The following RBFOX1 variants were observed in gnomAD, a reference collection of about 807,000 sequenced individuals.
The protein encoded by RBFOX1 is RNA binding fox-1 homolog 1.
Under a neutral mutation model 57.7 loss-of-function variants are expected in RBFOX1, and 8 were observed. The ratio of observed to expected loss-of-function variants is 0.14; its 90% CI spans 0.08 to 0.25. The LOEUF is 0.25. RBFOX1 is among the 10% of genes least tolerant of loss of function. The pLI is 1.00. For missense variants in RBFOX1, 611 were observed against 548.5 expected, an observed-to-expected ratio of 1.11 and a Z score of -1.14; for synonymous variants, 326 against 222.4, an observed-to-expected ratio of 1.47 and a Z score of -4.15.
chr16:5,521,317 C>T (rs1406550647), intron 2 of RBFOX1, among the ~76,000 whole-genome samples: 2 of 114,728 alleles, frequency 1.7e-5, no homozygotes, highest in East Asian at 2.9e-4. Flanking sequence ...GCCCCAGGTC[C>T]GTGCAATTCA....
intron 14 of RBFOX1, among the ~76,000 whole-genome samples, chr16:7,705,289 G>C (rs746444395): frequency 6.6e-6 from 1 of 152,048 alleles, no homozygotes; most frequent in Admixed American, 6.6e-5. Flanking sequence ...GGAGGATCAC[G>C]AGGTCAGGAG....
At position 7,122,478 on chromosome 16, in the gene RBFOX1, A is replaced by G. The variant is rs1048943901; in HGVS notation, c.27+70380A>G. On this transcript the variant is annotated intron_variant, in intron 4 of 15. Transcript: ENST00000550418. ...AAAAAACCGTGAAAAGGTATTTAAC[A>G]TCATTAGCTATTCAGCAAGTGCAAA... is the stretch of plus-strand genomic sequence containing the variant. Among the ~76,000 whole-genome samples the G allele has an allele frequency of 7.9e-5, 12 of 152,286 alleles. No homozygotes were observed. The East Asian group carries it at 1.9e-3, about 25-fold the overall frequency.
chr16:6,774,645 G>A (rs916891848), intron 3 of RBFOX1, among the ~76,000 whole-genome samples: 7 of 152,256 alleles, frequency 4.6e-5, no homozygotes, highest in East Asian at 1.9e-4. Context: ...AGCTATATAT[G>A]TCAGGAATAT....
chr16:5,384,493 T>C lies in RBFOX1; in HGVS notation c.220-82723T>C, dbSNP rs369798936. On this transcript the variant is annotated intron_variant, in intron 1 of 2. Transcript: ENST00000585867. ...TTTAAGTTGGGTTTTGAAGGGTGCATAGGAGTTTACCAGAGAGAGCAAGAG... is the reference window on the plus strand; with the variant it reads ...TTTAAGTTGGGTTTTGAAGGGTGCACAGGAGTTTACCAGAGAGAGCAAGAG... Among the ~76,000 whole-genome samples, 382 of 152,216 alleles carry C rather than the reference T, an allele frequency of 2.5e-3. 4 individuals carry two copies. Among genetic ancestry groups the C allele is most frequent in the African/African-American group, 8.7e-3 (361 of 41,548 alleles).
chr16:6,806,718 CA>C (rs1305296009), intron 3 of RBFOX1, among the ~76,000 whole-genome samples: 4 of 149,704 alleles, frequency 2.7e-5, no homozygotes, highest in South Asian at 2.1e-4. Flanking sequence ...CATGTATTAC[CA>C]GGGGAGCATC....
At chr16:6,906,247 C>CT (rs201917327) in intron 3 of RBFOX1, among the ~76,000 whole-genome samples, 20 of 151,930 alleles carry the variant, frequency 1.3e-4, no homozygotes, top group African/African-American at 4.8e-4. Flanking sequence ...TTACCCCCCC[C>CT]CAAAATATAC....
chr16:7,158,059 A>G (rs935844156), intron 4 of RBFOX1, among the ~76,000 whole-genome samples: 1 of 152,202 alleles, frequency 6.6e-6, no homozygotes, highest in Non-Finnish European at 1.5e-5. Flanking sequence ...TTGAAAAACT[A>G]CAGGGTTGGC....
At chr16:5,827,402 G>GAAAAAAAAAAAA (rs374545272) in intron 3 of RBFOX1, among the ~76,000 whole-genome samples, 1 of 100,458 alleles carries the variant, frequency 1.0e-5, no homozygotes, top group African/African-American at 3.7e-5. Flanking sequence ...TCCATCTCAG[G>GAAAAAAAAAAAA]GAAAAAAAAA....
chr16:6,893,101 A>G (rs933731876), intron 3 of RBFOX1, among the ~76,000 whole-genome samples: 4 of 152,142 alleles, frequency 2.6e-5, no homozygotes, highest in Non-Finnish European at 5.9e-5. Context: ...TGACCCTCCT[A>G]GATTCCATTC....
chr16:6,110,465 C>A (rs183154898), intron 1 of RBFOX1, among the ~76,000 whole-genome samples: 13 of 152,144 alleles, frequency 8.5e-5, no homozygotes, highest in East Asian at 5.8e-4. Context: ...CAATTGATAC[C>A]TAAGTAGTGT....
intron 3 of RBFOX1, among the ~76,000 whole-genome samples, chr16:6,973,802 G>A (rs1206379240): frequency 6.6e-6 from 1 of 151,976 alleles, no homozygotes; most frequent in East Asian, 1.9e-4. Context: ...AAGTTCCAGG[G>A]TACATGTGCA....
chr16:5,472,934 T>C (rs2069188227), intron 2 of RBFOX1, among the ~76,000 whole-genome samples: 1 of 152,090 alleles, frequency 6.6e-6, no homozygotes, highest in Admixed American at 6.5e-5. Context: ...CTGCTCAAAG[T>C]CCCAAGGCTT....
chr16:5,935,772 G>C (rs552206703), intron 4 of RBFOX1, among the ~76,000 whole-genome samples: 5 of 152,328 alleles, frequency 3.3e-5, no homozygotes, highest in African/African-American at 7.2e-5. Context: ...GGCAGGGCCA[G>C]GTTTCAAATT....
chr16:5,472,438 C>A (rs149457999), intron 2 of RBFOX1, among the ~76,000 whole-genome samples: 2 of 152,234 alleles, frequency 1.3e-5, no homozygotes, highest in East Asian at 1.9e-4. Flanking sequence ...AATAACCTTC[C>A]CAGGCTACCA....
intron 4 of RBFOX1, among the ~76,000 whole-genome samples, chr16:7,236,562 G>T (rs1309859418): frequency 6.6e-6 from 1 of 152,184 alleles, no homozygotes; most frequent in African/African-American, 2.4e-5. Context: ...ATTACTGTCA[G>T]ATGAACTGAT....
intron 4 of RBFOX1, among the ~76,000 whole-genome samples, chr16:7,180,357 C>A (rs1452696297): frequency 1.3e-5 from 2 of 152,016 alleles, no homozygotes; most frequent in Non-Finnish European, 2.9e-5. Context: ...TTACAGATAC[C>A]ACACACAAGA....
intron 4 of RBFOX1, among the ~76,000 whole-genome samples, chr16:7,405,754 G>T (rs11077175): frequency 0.78 from 118,371 of 151,878 alleles, 46,548 homozygotes; most frequent in Non-Finnish European, 0.83. Flanking sequence ...CACAGAGGGG[G>T]TTCTCAGTGC....
chr16:6,940,879 G>GTTTGTGTT (rs557358282), intron 3 of RBFOX1, among the ~76,000 whole-genome samples: 1 of 138,652 alleles, frequency 7.2e-6, no homozygotes, highest in African/African-American at 2.8e-5. Flanking sequence ...GTGTGTGTGT[G>GTTTGTGTT]TGTGTGTGTG....
chr16:5,587,702 G>C (rs2046878049), intron 2 of RBFOX1, among the ~76,000 whole-genome samples: 1 of 152,120 alleles, frequency 6.6e-6, no homozygotes, highest in Non-Finnish European at 1.5e-5. Flanking sequence ...GACAGAGCGA[G>C]ACTCTGTCTC....
Sources: gnomAD v4.1 joint callset for allele counts (sites outside exome capture counted in the v4.1 genomes callset) on GRCh38, gnomAD v4.1.1 for gene constraint, MANE v1.5 for transcripts, NCBI Gene and HGNC (gene_info 2026-07-23, HGNC 2026-07-21) for gene names.